The following RIC1 variants were observed in gnomAD, a reference collection of about 807,000 sequenced individuals.
RIC1 encodes the protein RIC1 partner of RAB6A GEF complex, also known as guanine nucleotide exchange factor subunit RIC1.
A neutral mutation model predicts 169.0 loss-of-function variants in RIC1; 88 were observed. That is an observed-to-expected ratio of 0.52 (90% confidence interval 0.44 to 0.62). RIC1 has a LOEUF of 0.62. Ranked by LOEUF, RIC1 falls within the 20% of genes least tolerant of loss-of-function variation. RIC1 has a pLI of 0.00. For missense variants in RIC1, 1,877 were observed against 1,725.5 expected, an observed-to-expected ratio of 1.09 and a Z score of -1.56; for synonymous variants, 790 against 601.5, an observed-to-expected ratio of 1.31 and a Z score of -4.59.
chr9:5,714,193 A>C (rs974676113), intron 4 of RIC1, among the ~76,000 whole-genome samples, 190 bp downstream of exon 4: 1 of 152,234 alleles, frequency 6.6e-6, no homozygotes, highest in African/African-American at 2.4e-5. Flanking sequence ...TTAAATTATT[A>C]TAATAAAATT....
At chr9:5,727,541 C>G (rs536654774) in intron 6 of RIC1, among the ~76,000 whole-genome samples, 1 of 152,308 alleles carries the variant, frequency 6.6e-6, no homozygotes, top group Non-Finnish European at 1.5e-5. Context: ...CTTCTTCTCT[C>G]AACTCATCAA....
intron 1 of RIC1, among the ~76,000 whole-genome samples, chr9:5,634,565 G>GT (rs899324965): frequency 1.3e-5 from 2 of 151,916 alleles, no homozygotes; most frequent in East Asian, 3.9e-4. Flanking sequence ...TATCTGTTTT[G>GT]TTTTTTTCTC....
At chr9:5,773,147 T>C in intron 25 of RIC1, 67 bp downstream of exon 25, 1 of 874,078 alleles carries the variant, frequency 1.1e-6, no homozygotes, top group South Asian at 3.1e-5. Context: ...CCTTTCACAT[T>C]AAGGCCTAGT....
intron 7 of RIC1, among the ~76,000 whole-genome samples, chr9:5,732,900 C>G (rs1824456135): frequency 6.6e-6 from 1 of 151,884 alleles, no homozygotes; most frequent in Admixed American, 6.6e-5. Flanking sequence ...CATATAAAAC[C>G]AGTTTCTTGC....
At chr9:5,629,485 TGCCTCCCCG>T (rs1563853660) in intron 1 of RIC1, 32 bp downstream of exon 1, 2 of 1,516,358 alleles carry the variant, frequency 1.3e-6, no homozygotes, top group African/African-American at 1.4e-5. Flanking sequence ...CTTTCGCCGC[TGCCTCCCCG>T]GCCTCCCGGC....
At position 5,774,110 on chromosome 9, in the gene RIC1, G is replaced by GCTC. The variant is rs762578948; in HGVS notation, c.4141_4143dup (p.Ser1382dup). The GCTC allele has an allele frequency of 6.2e-7, 1 of 1,614,056 alleles. No individual in the cohort carries two copies. ...AGCCCCCGGGCAGAGGAGAGCAGGG[G>GCTC]CTCCTCCAGCCATGGAAGCATCCCC... On this transcript the variant is annotated inframe_insertion, in exon 26 of 26. Transcript: ENST00000414202.
At chr9:5,744,690 C>A (rs915381933) in intron 10 of RIC1, among the ~76,000 whole-genome samples, 3 of 151,886 alleles carry the variant, frequency 2.0e-5, no homozygotes, top group Non-Finnish European at 4.4e-5. Context: ...GATTTTTTTA[C>A]TGTGGTGTCA....
intron 6 of RIC1, among the ~76,000 whole-genome samples, chr9:5,726,919 A>T (rs1014885834): frequency 2.6e-5 from 4 of 152,136 alleles, no homozygotes; most frequent in Non-Finnish European, 4.4e-5. Flanking sequence ...CTGCTTAGAG[A>T]TCTGCTGTTA....
At chr9:5,651,594 C>T (rs1818805907) in intron 1 of RIC1, among the ~76,000 whole-genome samples, 1 of 132,812 alleles carries the variant, frequency 7.5e-6, no homozygotes. Context: ...GAGACAGTCT[C>T]ACCCTGTCCT....
rs1334404595 is a variant in RIC1 at position 5,679,309 on chromosome 9, T to A, written c.253-10650T>A. Among the ~76,000 whole-genome samples, 4 of 152,152 alleles carry A rather than the reference T, an allele frequency of 2.6e-5. No homozygotes were observed. The East Asian group carries it at 5.8e-4, about 22-fold the overall frequency. ...GCTTTGTTCTTTTGACTTAGGATTG[T>A]CTTGGCAATGCAGGCTCTTTTTTGG... On this transcript the variant is annotated intron_variant, in intron 2 of 25. Coordinates refer to ENST00000414202, the MANE Select transcript of RIC1 (RefSeq NM_020829.4).
intron 12 of RIC1, among the ~76,000 whole-genome samples, chr9:5,747,840 A>C (rs1306569555): frequency 6.6e-6 from 1 of 152,210 alleles, no homozygotes; most frequent in African/African-American, 2.4e-5. Context: ...CAGGCAAAAC[A>C]AAGTGTAATA....
At chr9:5,752,169 A>T (rs191327445) in intron 12 of RIC1, among the ~76,000 whole-genome samples, 19 of 152,338 alleles carry the variant, frequency 1.2e-4, no homozygotes, top group African/African-American at 4.6e-4. Flanking sequence ...AGGGTGATAC[A>T]AAGACACCAT....
chr9:5,688,148 G>T (rs1308052471), intron 2 of RIC1, among the ~76,000 whole-genome samples: 2 of 151,986 alleles, frequency 1.3e-5, no homozygotes, highest in African/African-American at 4.8e-5. Flanking sequence ...ATGTCCTTTT[G>T]TGCTAATTTT....
chr9:5,697,974 G>T (rs1261738423), intron 3 of RIC1, among the ~76,000 whole-genome samples: 1 of 152,222 alleles, frequency 6.6e-6, no homozygotes, highest in Non-Finnish European at 1.5e-5. Flanking sequence ...TAGATAAGGA[G>T]ACTTGAGTTC....
chr9:5,702,542 G>C (rs892441887), intron 3 of RIC1, among the ~76,000 whole-genome samples: 2 of 74,998 alleles, frequency 2.7e-5, no homozygotes, highest in African/African-American at 2.1e-4. Context: ...TTTTGTTTTT[G>C]TTTGTTTGTT....
At chr9:5,718,139 CAAAAAAAAAAAAA>C (rs35477806) in intron 4 of RIC1, among the ~76,000 whole-genome samples, 29 of 28,090 alleles carry the variant, frequency 1.0e-3, no homozygotes, top group Middle Eastern at 0.11. Context: ...GACTCCGTCT[CAAAAAAAAAAAAA>C]AAAAAAAAAA....
In RIC1 at chr9:5,740,006, AC is replaced by A. The variant is rs370499119; in HGVS notation, c.901+1471del. ...TAGCTCTTTCTCTATAGGAGATAAG[AC>A]CCTCACTCAGGGCAATCTTAGCAGT... On this transcript the variant is annotated intron_variant, in intron 8 of 25. Transcript: ENST00000414202. Among the ~76,000 whole-genome samples, 21 of 152,186 alleles carry A rather than the reference AC, an allele frequency of 1.4e-4. No individual in the cohort carries two copies. In the East Asian group the frequency reaches 1.9e-3, roughly 14 times the overall value.
At chr9:5,652,092 A>G (rs958702790) in intron 1 of RIC1, among the ~76,000 whole-genome samples, 4 of 150,662 alleles carry the variant, frequency 2.7e-5, no homozygotes, top group Middle Eastern at 3.4e-3. Context: ...TGCCAGTACC[A>G]TGGTGTTTTG....
intron 1 of RIC1, among the ~76,000 whole-genome samples, chr9:5,651,516 C>T (rs146534351): frequency 6.6e-6 from 1 of 150,492 alleles, no homozygotes; most frequent in East Asian, 1.9e-4. Context: ...GTTTTTCTTC[C>T]AGTAGTTTCA....
Sources: allele counts gnomAD v4.1 joint callset (sites outside exome capture counted in the v4.1 genomes callset), GRCh38; gene constraint gnomAD v4.1.1; transcripts MANE v1.5; gene names NCBI Gene and HGNC (gene_info 2026-07-23, HGNC 2026-07-21).